The following PCDHA6 variants were observed in gnomAD, a reference collection of about 807,000 sequenced individuals.
PCDHA6 encodes the protein protocadherin alpha 6.
In PCDHA6, 55 loss-of-function variants were observed where a neutral mutation model predicts 60.3. The observed-to-expected ratio is 0.91, with a 90% CI of 0.73 to 1.14. The LOEUF (loss-of-function observed/expected upper bound fraction) is 1.14. PCDHA6 is among the 50% of genes most tolerant of loss of function. The pLI, the probability that PCDHA6 is intolerant of heterozygous loss-of-function variation, is 0.00. For synonymous variants in PCDHA6, 652 were observed against 557.9 expected, an observed-to-expected ratio of 1.17 and a Z score of -2.38; for missense variants, 1,327 against 1,256.5, an observed-to-expected ratio of 1.06 and a Z score of -0.85.
chr5:140,999,295 T>G (rs1554256739), intron 3 of PCDHA6, among the ~76,000 whole-genome samples: 1 of 152,238 alleles, frequency 6.6e-6, no homozygotes, highest in Non-Finnish European at 1.5e-5. Context: ...ATTCTTTATT[T>G]CAGAATTTCT....
chr5:140,891,977 A>G (rs2063334150), intron 1 of PCDHA6, among the ~76,000 whole-genome samples: 1 of 152,206 alleles, frequency 6.6e-6, no homozygotes, highest in Non-Finnish European at 1.5e-5. Flanking sequence ...TTCCGTTCTC[A>G]TAAATTACTC....
At chr5:141,003,913 T>C (rs1554259375) in intron 3 of PCDHA6, among the ~76,000 whole-genome samples, 1 of 152,206 alleles carries the variant, frequency 6.6e-6, no homozygotes, top group African/African-American at 2.4e-5. Flanking sequence ...GGGTCTTGAC[T>C]GCATCCTCAG....
chr5:140,878,274 C>G (rs1273765492), intron 1 of PCDHA6, among the ~76,000 whole-genome samples: 3 of 152,092 alleles, frequency 2.0e-5, no homozygotes, highest in Non-Finnish European at 1.5e-5. Flanking sequence ...TTTAAAATAG[C>G]CTTCTTGATC....
chr5:140,829,536 C>T lies in PCDHA6; in HGVS notation c.1445C>T (p.Ala482Val), dbSNP rs1554132056. Reference protein sequence around the residue: ...CHIFTVSARDADAQENALVSY... With the variant: ...CHIFTVSARDVDAQENALVSY... ...ATCTTCACGGTGTCTGCGCGAGACG[C>T]GGACGCGCAGGAGAACGCGCTGGTG... The change falls in exon 1 of 4, where the codon GCG becomes GTG. Residue 482 changes from alanine to valine, a missense_variant. By Grantham distance (64) the Ala-to-Val change is moderately conservative. Transcript: ENST00000529310. The T allele has an allele frequency of 6.2e-7, 1 of 1,613,152 alleles. No homozygotes were observed. Among genetic ancestry groups the T allele is most frequent in the Non-Finnish European group, 8.5e-7 (1 of 1,179,866 alleles).
intron 1 of PCDHA6, chr5:140,926,333 C>G (rs1244364456): frequency 6.6e-6 from 1 of 152,288 alleles, no homozygotes; most frequent in Non-Finnish European, 1.5e-5. Context: ...GGTCAGAGCG[C>G]CGGGACCCGA....
intron 1 of PCDHA6, among the ~76,000 whole-genome samples, chr5:140,902,253 G>T (rs1170626795): frequency 1.4e-5 from 2 of 144,500 alleles, no homozygotes; most frequent in Non-Finnish European, 3.0e-5. Flanking sequence ...GCCCAGGCTG[G>T]TCTCGAACTC....
rs1434180043 is a variant in PCDHA6 at position 140,830,286 on chromosome 5, G to A, written c.2195G>A (p.Cys732Tyr). 1.9e-6 allele frequency: 3 copies of A among 1,613,856 alleles called. No individual in the cohort carries two copies. Among genetic ancestry groups the A allele is most frequent in the Admixed American group, 1.7e-5 (1 of 60,002 alleles). ...TCGGCGCCACCCACCGAGGGCGCGTGCACGGCGGACAAGCCCACGCTGGTG... is the reference window on the plus strand; with the variant it reads ...TCGGCGCCACCCACCGAGGGCGCGTACACGGCGGACAAGCCCACGCTGGTG... ...RCSAPPTEGA[C>Y]TADKPTLVCS... The change falls in exon 1 of 4, where the codon TGC (cysteine) becomes TAC (tyrosine). Residue 732 changes from cysteine (C) to tyrosine (Y), a missense_variant. Cys to Tyr is a radical substitution (Grantham distance 194). Coordinates refer to ENST00000529310, the MANE Select transcript of PCDHA6 (RefSeq NM_018909.4).
At chr5:140,965,030 C>A (rs2095870201) in intron 1 of PCDHA6, among the ~76,000 whole-genome samples, 1 of 152,166 alleles carries the variant, frequency 6.6e-6, no homozygotes, top group East Asian at 1.9e-4. Flanking sequence ...GCTCCTTTAA[C>A]TGTCCGCTCT....
chr5:140,871,247 T>C (rs1340682715), intron 1 of PCDHA6: 1 of 1,613,990 alleles, frequency 6.2e-7, no homozygotes, highest in Non-Finnish European at 8.5e-7. Context: ...CTCACGCTGC[T>C]GCTGTATACG....
chr5:140,904,328 C>T (rs1469107868), intron 1 of PCDHA6, among the ~76,000 whole-genome samples: 2 of 151,958 alleles, frequency 1.3e-5, no homozygotes, highest in South Asian at 2.1e-4. Flanking sequence ...ATAATGGTCT[C>T]CAGTTCCATC....
At position 140,848,698 on chromosome 5, in the gene PCDHA6, C is replaced by T. The variant is rs17844321; in HGVS notation, c.2394+18213C>T. On this transcript the variant is annotated intron_variant, in intron 1 of 3. Coordinates refer to ENST00000529310, the MANE Select transcript of PCDHA6 (RefSeq NM_018909.4). The stretch of plus-strand genomic sequence containing the variant: ...GTGCCGCGCCTGTTCCAGTTGGATT[C>T]CAAAGGCCGCGGGGACCTTCTGGAG... 1,049 of 1,592,348 alleles carry T rather than the reference C, an allele frequency of 6.6e-4. 38 individuals are homozygous for T. The East Asian group carries it at 0.022, about 33-fold the overall frequency.
intron 1 of PCDHA6, chr5:140,858,104 G>T: frequency 6.3e-7 from 1 of 1,597,736 alleles, no homozygotes; most frequent in Non-Finnish European, 8.6e-7. Context: ...AGTGGGCGTG[G>T]CGCCCGAGGT....
intron 1 of PCDHA6, among the ~76,000 whole-genome samples, chr5:140,914,884 CCTG>C (rs2153531970): frequency 6.6e-6 from 1 of 151,782 alleles, no homozygotes; most frequent in East Asian, 1.9e-4. Flanking sequence ...ACTGTATCCT[CCTG>C]CTTTTAACTT....
chr5:141,009,571 T>C, intron 3 of PCDHA6, 56 bp from the exon 4 acceptor site: 10 of 1,578,600 alleles, frequency 6.3e-6, no homozygotes, highest in Non-Finnish European at 7.7e-6. Context: ...ACCAGCAGTG[T>C]GGCATCAAGA....
chr5:141,003,589 A>G (rs781995684), intron 3 of PCDHA6, among the ~76,000 whole-genome samples: 9 of 152,170 alleles, frequency 5.9e-5, no homozygotes, highest in Non-Finnish European at 1.3e-4. Context: ...CTGGGATTTT[A>G]GATGTGAGCC....
intron 1 of PCDHA6, chr5:140,882,078 C>T: frequency 1.1e-6 from 1 of 937,486 alleles, no homozygotes; most frequent in Non-Finnish European, 1.6e-6. Flanking sequence ...CGCATGGTGT[C>T]GCTCTTCACT....
intron 3 of PCDHA6, among the ~76,000 whole-genome samples, chr5:141,001,365 T>C (rs577695639): frequency 6.6e-6 from 1 of 152,354 alleles, no homozygotes; most frequent in African/African-American, 2.4e-5. Context: ...AGCCTACTAT[T>C]CTGATTACAG....
intron 1 of PCDHA6, chr5:140,850,815 C>T: frequency 6.3e-7 from 1 of 1,598,236 alleles, no homozygotes; most frequent in Non-Finnish European, 8.6e-7. Context: ...GGCCTTCAGC[C>T]CGGGCCTTTC....
intron 1 of PCDHA6, chr5:140,877,068 G>T: frequency 6.2e-7 from 1 of 1,613,122 alleles, no homozygotes; most frequent in African/African-American, 1.3e-5. Context: ...AGCTGCTGCA[G>T]TTCCAGGTGA....
Sources: allele counts gnomAD v4.1 joint callset (sites outside exome capture counted in the v4.1 genomes callset), GRCh38; gene constraint gnomAD v4.1.1; transcripts MANE v1.5; gene names NCBI Gene and HGNC (gene_info 2026-07-23, HGNC 2026-07-21).